EXOC6: variants seen among roughly 807,000 people sequenced by gnomAD.
EXOC6 encodes the protein exocyst complex component 6, also known as SEC15-like 1.
Under a neutral mutation model 112.5 loss-of-function variants are expected in EXOC6, and 60 were observed. The ratio of observed to expected loss-of-function variants is 0.53; its 90% CI spans 0.43 to 0.66. The LOEUF (loss-of-function observed/expected upper bound fraction) is 0.66, where lower values mean the gene tolerates loss of function less well. EXOC6 is among the 30% of genes least tolerant of loss of function. The pLI is 0.00. For missense variants in EXOC6, 855 were observed against 957.1 expected (o/e 0.89, Z 1.41); for synonymous variants, 295 against 308.0 (o/e 0.96, Z 0.44).
At chr10:92,828,603 G>A (rs1195078705) in intron 1 of EXOC6, among the ~76,000 whole-genome samples, 2 of 149,588 alleles carry the variant, frequency 1.3e-5, no homozygotes, top group African/African-American at 4.9e-5. Context: ...CAGGGTGCTA[G>A]GATTACAGGT....
intron 13 of EXOC6, among the ~76,000 whole-genome samples, chr10:92,943,007 A>C (rs1274588094): frequency 6.6e-6 from 1 of 151,800 alleles, no homozygotes; most frequent in Non-Finnish European, 1.5e-5. Context: ...ACTCTTCCAG[A>C]TCATGCTTTT....
intron 20 of EXOC6, among the ~76,000 whole-genome samples, chr10:93,024,896 GTTTTC>G (rs1288068415): frequency 6.6e-6 from 1 of 152,084 alleles, no homozygotes; most frequent in East Asian, 1.9e-4. Context: ...GGGATCAACA[GTTTTC>G]TTTTCTCTTT....
chr10:92,984,032 C>T (rs866764755), intron 18 of EXOC6, among the ~76,000 whole-genome samples: 6 of 152,208 alleles, frequency 3.9e-5, no homozygotes, highest in African/African-American at 7.2e-5. Flanking sequence ...TATCCTTTCT[C>T]GTAGGCTGGC....
At chr10:92,914,003 G>T (rs1355499542) in intron 6 of EXOC6, among the ~76,000 whole-genome samples, 1 of 151,972 alleles carries the variant, frequency 6.6e-6, no homozygotes, top group Admixed American at 6.6e-5. Context: ...ATGTTCTCTG[G>T]CACACATTTT....
At chr10:93,002,387 A>G (rs532897049) in intron 19 of EXOC6, among the ~76,000 whole-genome samples, 4 of 152,352 alleles carry the variant, frequency 2.6e-5, no homozygotes, top group South Asian at 2.1e-4. Context: ...GATACAGAAC[A>G]TCAATATCCT....
intron 19 of EXOC6, 102 bp downstream of exon 19, chr10:92,997,717 GC>G (rs1843558402): frequency 9.9e-7 from 1 of 1,010,640 alleles, no homozygotes; most frequent in East Asian, 3.0e-5. Context: ...GAGGGAGAAG[GC>G]CTGGTTCAGC....
At chr10:92,956,030 AT>A (rs1415060697) in intron 17 of EXOC6, among the ~76,000 whole-genome samples, 1 of 152,140 alleles carries the variant, frequency 6.6e-6, no homozygotes, top group African/African-American at 2.4e-5. Context: ...ATGAGTGTTT[AT>A]TTTTGAAAAT....
upstream of EXOC6, among the ~76,000 whole-genome samples, chr10:92,844,336 G>A (rs1846976216): frequency 6.6e-6 from 1 of 152,178 alleles, no homozygotes; most frequent in African/African-American, 2.4e-5. Context: ...TCCTGGAAAT[G>A]GAGACAGACT....
Position 93,058,484 on chromosome 10 carries a change from TAAAC to T in EXOC6, c.*132_*135del. ...ACAATAGAGAAGATACATGAGGGCT[TAAAC>T]AAGAAATAGTAATAAATATCATTTG... On this transcript the variant is annotated 3_prime_UTR_variant, in exon 22 of 22. Transcript: ENST00000260762. The T allele has an allele frequency of 1.7e-6, 1 of 586,540 alleles. No individual in the cohort carries two copies. Among genetic ancestry groups the T allele is most frequent in the East Asian group, 3.4e-5 (1 of 29,556 alleles). The allele number at this position is 586,540 out of a possible 1,614,324, so 36.3% of individuals were successfully genotyped here. A position where few individuals can be genotyped will look rare whatever the true frequency, so the allele number is the denominator to read the frequency against.
chr10:93,014,170 C>CTTT, intron 19 of EXOC6, 24 bp from the exon 20 acceptor site: 1 of 1,557,468 alleles, frequency 6.4e-7, no homozygotes, highest in Non-Finnish European at 8.8e-7. Flanking sequence ...CATTTTTATT[C>CTTT]TTTTTTTTTC....
Position 92,974,898 on chromosome 10 carries a change from C to T in EXOC6, c.1953+666C>T, listed in dbSNP as rs531594128. ...TGGTGCCCAGGCTGGAGTGCAGTGG[C>T]GTGCTCTCGGCTCGCTACAACCTCC... is the stretch of plus-strand genomic sequence containing the variant. On this transcript the variant is annotated intron_variant, in intron 18 of 21. Coordinates refer to ENST00000260762, the MANE Select transcript of EXOC6 (RefSeq NM_019053.6). 8.1e-4 allele frequency among the ~76,000 whole-genome samples: 124 copies of T among 152,318 alleles called. 5 individuals carry two copies. In the South Asian group the frequency reaches 0.017, roughly 20 times the overall value.
intron 20 of EXOC6, among the ~76,000 whole-genome samples, chr10:93,020,630 C>T (rs1186597396): frequency 6.6e-6 from 1 of 152,148 alleles, no homozygotes; most frequent in Non-Finnish European, 1.5e-5. Context: ...TTTAATTGGA[C>T]TGGCCTATTC....
At chr10:92,896,178 TA>T (rs1849805630) in intron 4 of EXOC6, among the ~76,000 whole-genome samples, 11 of 14,526 alleles carry the variant, frequency 7.6e-4, no homozygotes, top group Non-Finnish European at 7.9e-4. Context: ...TATATATATA[TA>T]TATTTTTTTT....
chr10:93,000,299 T>C (rs1190983418), intron 19 of EXOC6, among the ~76,000 whole-genome samples: 1 of 152,202 alleles, frequency 6.6e-6, no homozygotes, highest in East Asian at 1.9e-4. Flanking sequence ...ATCTTCTCCC[T>C]ATTCTCTTAC....
intron 9 of EXOC6, among the ~76,000 whole-genome samples, chr10:92,932,243 A>G (rs188121732): frequency 8.6e-4 from 131 of 152,320 alleles, no homozygotes; most frequent in Admixed American, 1.4e-3. Context: ...ATTTTTGAAA[A>G]GACAAAACTC....
At position 92,907,191 on chromosome 10, in the gene EXOC6, A is replaced by G. The variant is rs563490562; in HGVS notation, c.459-2236A>G. On this transcript the variant is annotated intron_variant, in intron 5 of 21. Coordinates refer to ENST00000260762, the MANE Select transcript of EXOC6 (RefSeq NM_019053.6). ...TTCTCTGAATCCTAGTTTTAGGGAA[A>G]GGGAAATGAGACAGGAAAGTTGAGA... Among the ~76,000 whole-genome samples, 3 of 152,314 alleles carry G rather than the reference A, an allele frequency of 2.0e-5. No homozygotes were observed. The East Asian group carries it at 5.8e-4, about 29-fold the overall frequency.
At chr10:92,999,358 T>C in intron 19 of EXOC6, 1 of 362,174 alleles carries the variant, frequency 2.8e-6, no homozygotes. Context: ...CTACTGTGCC[T>C]GGCCATTTTT....
intron 18 of EXOC6, among the ~76,000 whole-genome samples, chr10:92,994,409 AG>A (rs5787030): frequency 0.26 from 39,506 of 152,090 alleles, 5,215 homozygotes; most frequent in Middle Eastern, 0.37. Flanking sequence ...AGTTTGTCTA[AG>A]GGTTTTCTCT....
intron 1 of EXOC6, among the ~76,000 whole-genome samples, chr10:92,883,898 T>C (rs1849081151): frequency 6.6e-6 from 1 of 152,114 alleles, no homozygotes; most frequent in Non-Finnish European, 1.5e-5. Flanking sequence ...TCTTTTCTTT[T>C]CTTTTCTTTT....
Sources: allele counts gnomAD v4.1 joint callset (sites outside exome capture counted in the v4.1 genomes callset), GRCh38; gene constraint gnomAD v4.1.1; transcripts MANE v1.5; gene names NCBI Gene and HGNC (gene_info 2026-07-23, HGNC 2026-07-21).